ST18: variants seen among roughly 807,000 people sequenced by gnomAD.
The protein encoded by ST18 is suppression of tumorigenicity 18 protein.
ST18 carries 50 observed loss-of-function variants against 110.0 expected under a neutral mutation model. The ratio of observed to expected loss-of-function variants is 0.45; its 90% CI spans 0.36 to 0.58. The LOEUF is 0.58. ST18 is among the 20% of genes least tolerant of loss of function. The pLI is 0.00. For synonymous variants in ST18, 461 were observed against 452.4 expected (o/e 1.02, Z -0.24); for missense variants, 1,306 against 1,280.1 (o/e 1.02, Z -0.31).
At chr8:52,317,064 G>A (rs983379945) in intron 2 of ST18, among the ~76,000 whole-genome samples, 3 of 152,090 alleles carry the variant, frequency 2.0e-5, no homozygotes, top group African/African-American at 4.8e-5. Context: ...CTCACGTAGC[G>A]AGCTTTGTTA....
chr8:52,339,183 T>G (rs1466468906), intron 2 of ST18, among the ~76,000 whole-genome samples: 1 of 152,000 alleles, frequency 6.6e-6, no homozygotes, highest in African/African-American at 2.4e-5. Flanking sequence ...TAGGACTGAG[T>G]CCCTGTTCTC....
At chr8:52,362,394 C>T (rs918591841) in intron 2 of ST18, among the ~76,000 whole-genome samples, 3 of 152,138 alleles carry the variant, frequency 2.0e-5, no homozygotes, top group Non-Finnish European at 4.4e-5. Flanking sequence ...GGTGAGTAGC[C>T]GTGGCTGCCA....
intron 8 of ST18, among the ~76,000 whole-genome samples, chr8:52,196,198 C>T (rs1679629190): frequency 6.6e-6 from 1 of 152,188 alleles, no homozygotes; most frequent in Non-Finnish European, 1.5e-5. Context: ...TCTTTTCTCC[C>T]ACCTGCCTAG....
intron 2 of ST18, among the ~76,000 whole-genome samples, chr8:52,257,361 T>C (rs2094557946): frequency 6.6e-6 from 1 of 152,206 alleles, no homozygotes; most frequent in South Asian, 2.1e-4. Context: ...AACTGCTAAA[T>C]AGTTTTTCAA....
At chr8:52,260,011 T>C (rs959431461) in intron 2 of ST18, among the ~76,000 whole-genome samples, 5 of 152,240 alleles carry the variant, frequency 3.3e-5, no homozygotes, top group African/African-American at 1.2e-4. Flanking sequence ...TCATCTAACA[T>C]AGTGAAGTTT....
chr8:52,242,000 G>A (rs1172227912), intron 2 of ST18, among the ~76,000 whole-genome samples: 2 of 151,968 alleles, frequency 1.3e-5, no homozygotes, highest in African/African-American at 4.8e-5. Context: ...AGGTACTGAG[G>A]AGAATAAAAT....
intron 19 of ST18, 94 bp from the exon 20 acceptor site, chr8:52,133,395 T>A (rs1191830341): frequency 1.4e-6 from 2 of 1,437,680 alleles, no homozygotes; most frequent in Non-Finnish European, 2.0e-6. Flanking sequence ...GTAATCACAT[T>A]AATGTTCCAA....
intron 2 of ST18, among the ~76,000 whole-genome samples, chr8:52,317,421 C>T (rs1043279571): frequency 6.6e-6 from 1 of 152,212 alleles, no homozygotes; most frequent in Non-Finnish European, 1.5e-5. Context: ...AACAAAGATC[C>T]ACCCTAGAGC....
chr8:52,230,876 G>A (rs961266747), intron 2 of ST18, among the ~76,000 whole-genome samples: 1 of 152,076 alleles, frequency 6.6e-6, no homozygotes, highest in African/African-American at 2.4e-5. Context: ...CCTGACGACA[G>A]AACAATCACC....
intron 2 of ST18, among the ~76,000 whole-genome samples, chr8:52,295,888 G>A (rs1257943815): frequency 4.6e-5 from 7 of 151,802 alleles, no homozygotes; most frequent in East Asian, 1.9e-4. Flanking sequence ...TATGTTCTGC[G>A]TCCCATCTGA....
At chr8:52,345,511 G>A (rs908228596) in intron 2 of ST18, among the ~76,000 whole-genome samples, 3 of 152,234 alleles carry the variant, frequency 2.0e-5, no homozygotes, top group Admixed American at 1.3e-4. Context: ...GATGATACCA[G>A]TATATCTGAC....
intron 2 of ST18, among the ~76,000 whole-genome samples, chr8:52,267,402 G>A (rs2094907628): frequency 6.8e-6 from 1 of 147,806 alleles, no homozygotes; most frequent in Non-Finnish European, 1.5e-5. Context: ...TGGAATGTTG[G>A]AAATTTGCAG....
intron 10 of ST18, among the ~76,000 whole-genome samples, chr8:52,170,950 C>T (rs1454125544): frequency 6.6e-6 from 1 of 152,156 alleles, no homozygotes; most frequent in Non-Finnish European, 1.5e-5. Context: ...GTCCACTGCC[C>T]TGATTTTTTC....
chr8:52,392,612 T>C (rs982347874), intron 2 of ST18, among the ~76,000 whole-genome samples: 3 of 152,108 alleles, frequency 2.0e-5, no homozygotes, highest in African/African-American at 7.2e-5. Flanking sequence ...CATGAAAGAA[T>C]AAAGCAATGA....
intron 2 of ST18, among the ~76,000 whole-genome samples, chr8:52,257,712 C>A (rs1184677949): frequency 6.6e-6 from 1 of 152,084 alleles, no homozygotes; most frequent in Non-Finnish European, 1.5e-5. Context: ...ATAGAATTTG[C>A]AAAACTTTTC....
At chr8:52,281,942 G>A (rs1359248066) in intron 2 of ST18, among the ~76,000 whole-genome samples, 1 of 152,146 alleles carries the variant, frequency 6.6e-6, no homozygotes, top group Non-Finnish European at 1.5e-5. Context: ...TGGGTACAAC[G>A]TACACTGCTT....
intron 6 of ST18, among the ~76,000 whole-genome samples, chr8:52,214,821 T>G (rs1313656466): frequency 6.6e-6 from 1 of 152,190 alleles, no homozygotes; most frequent in African/African-American, 2.4e-5. Flanking sequence ...ATACCAGTTA[T>G]AATCATTCAA....
intron 2 of ST18, among the ~76,000 whole-genome samples, chr8:52,373,435 T>C (rs1461316023): frequency 1.3e-5 from 2 of 152,150 alleles, no homozygotes; most frequent in Admixed American, 6.5e-5. Context: ...TGTCAGTGCA[T>C]GTGCAGGCGA....
At chr8:52,351,167 C>T (rs1820151289) in intron 2 of ST18, among the ~76,000 whole-genome samples, 1 of 152,066 alleles carries the variant, frequency 6.6e-6, no homozygotes, top group Admixed American at 6.6e-5. Flanking sequence ...CATTATTTGG[C>T]GTAAGGCTTA....
Sources: allele counts gnomAD v4.1 joint callset (sites outside exome capture counted in the v4.1 genomes callset), GRCh38; gene constraint gnomAD v4.1.1; transcripts MANE v1.5; gene names NCBI Gene and HGNC (gene_info 2026-07-23, HGNC 2026-07-21).